PCDH15: variants seen among roughly 807,000 people sequenced by gnomAD.
The protein encoded by PCDH15 is protocadherin-15.
PCDH15 carries 129 observed loss-of-function variants against 178.5 expected under a neutral mutation model. The ratio of observed to expected loss-of-function variants is 0.72; its 90% confidence interval spans 0.63 to 0.84. PCDH15 has a LOEUF of 0.84. Among genes scored for constraint, PCDH15 ranks in the 40% least tolerant of loss-of-function variants. PCDH15 has a pLI of 0.00. For synonymous variants in PCDH15, 800 were observed against 732.0 expected (o/e 1.09, Z -1.50); for missense variants, 2,230 against 2,099.9 (o/e 1.06, Z -1.21).
At chr10:54,397,261 A>G (rs1195325339) in intron 3 of PCDH15, among the ~76,000 whole-genome samples, 1 of 152,034 alleles carries the variant, frequency 6.6e-6, no homozygotes, top group Non-Finnish European at 1.5e-5. Context: ...AAACTTGGAG[A>G]CATCCCTTTG....
At chr10:55,195,587 G>A (rs1317764791) in intron 1 of PCDH15, among the ~76,000 whole-genome samples, 3 of 150,572 alleles carry the variant, frequency 2.0e-5, no homozygotes, top group Non-Finnish European at 3.0e-5. Flanking sequence ...CCCGGAAGGC[G>A]GAGGATGTAG....
chr10:55,610,629 T>G (rs548688240), intron 2 of PCDH15, among the ~76,000 whole-genome samples: 1 of 152,248 alleles, frequency 6.6e-6, no homozygotes, highest in African/African-American at 2.4e-5. Flanking sequence ...TTCTGTTTTA[T>G]ATACTTAAGA....
intron 3 of PCDH15, among the ~76,000 whole-genome samples, chr10:54,381,924 G>T (rs1446171378): frequency 1.3e-5 from 2 of 151,968 alleles, no homozygotes; most frequent in Non-Finnish European, 2.9e-5. Context: ...GTGGATAACC[G>T]CATTTACCCT....
At chr10:54,481,193 T>C (rs1020941319) in intron 3 of PCDH15, among the ~76,000 whole-genome samples, 2 of 151,928 alleles carry the variant, frequency 1.3e-5, no homozygotes, top group Non-Finnish European at 2.9e-5. Context: ...GCCAAATTTA[T>C]ATTAGCCTAA....
intron 2 of PCDH15, among the ~76,000 whole-genome samples, chr10:55,547,069 G>A (rs997418): frequency 0.32 from 48,016 of 152,022 alleles, 8,270 homozygotes; most frequent in East Asian, 0.5. Flanking sequence ...CCCATTAGAG[G>A]AGTTTTGCTC....
chr10:54,688,286 A>AT (rs557307007), intron 1 of PCDH15, among the ~76,000 whole-genome samples: 10 of 151,148 alleles, frequency 6.6e-5, no homozygotes, highest in East Asian at 1.9e-4. Context: ...TGGGTAAGTC[A>AT]TTTTTTTTTC....
chr10:54,905,814 A>T (rs965158710), intron 2 of PCDH15, among the ~76,000 whole-genome samples: 1 of 152,124 alleles, frequency 6.6e-6, no homozygotes, highest in African/African-American at 2.4e-5. Context: ...CAGATGTGTC[A>T]TGAATACAAA....
intron 1 of PCDH15, among the ~76,000 whole-genome samples, chr10:55,259,069 C>G (rs1311888868): frequency 6.6e-6 from 1 of 152,142 alleles, no homozygotes; most frequent in African/African-American, 2.4e-5. Flanking sequence ...CTCTCCTCAT[C>G]TGAAGCACTG....
In PCDH15 at chr10:55,607,756, G is replaced by A. The variant is rs1453592382; in HGVS notation, c.-156+19869C>T. The stretch of plus-strand genomic sequence containing the variant: ...CACTCTGGGGACTGTTGTGGGGTGG[G>A]GGGAGGGGGGAGGGATAGCATTGGG... On this transcript the variant is annotated intron_variant, in intron 2 of 5. Transcript: ENST00000613346. Among the ~76,000 whole-genome samples the A allele has an allele frequency of 4.8e-4, 58 of 120,358 alleles. 3 individuals carry two copies. The East Asian group carries it at 0.016, about 33-fold the overall frequency. The allele number at this position is 120,358 out of a possible 152,430, so 79.0% of individuals were successfully genotyped here.
chr10:54,718,389 A>G (rs1303274505), intron 1 of PCDH15, among the ~76,000 whole-genome samples: 2 of 152,154 alleles, frequency 1.3e-5, no homozygotes, highest in East Asian at 1.9e-4. Flanking sequence ...GCCTGCTCAC[A>G]TGCACAGTGC....
At chr10:55,107,173 T>C (rs1391765487) in intron 2 of PCDH15, among the ~76,000 whole-genome samples, 2 of 152,216 alleles carry the variant, frequency 1.3e-5, no homozygotes, top group African/African-American at 4.8e-5. Context: ...ATTAGCAGTA[T>C]ACTTTCTATT....
At chr10:55,009,256 G>GTA (rs1363683879) in intron 2 of PCDH15, among the ~76,000 whole-genome samples, 1 of 151,682 alleles carries the variant, frequency 6.6e-6, no homozygotes, top group African/African-American at 2.4e-5. Context: ...ACAGATGTGT[G>GTA]TGTGTGTGTG....
intron 17 of PCDH15, among the ~76,000 whole-genome samples, chr10:54,069,047 G>T (rs2094191133): frequency 6.6e-6 from 1 of 152,120 alleles, no homozygotes; most frequent in Admixed American, 6.6e-5. Flanking sequence ...ATGACAAAAA[G>T]TATTTTAACA....
Position 55,066,525 on chromosome 10 carries a change from G to A in PCDH15, c.-80+100051C>T, listed in dbSNP as rs192484989. 3.4e-5 allele frequency among the ~76,000 whole-genome samples: 5 copies of A among 147,480 alleles called. No individual in the cohort carries two copies. The South Asian group carries it at 8.6e-4, about 25-fold the overall frequency. ...TTTTAAGTTTTCACAAATTACATGA[G>A]GCTTTTATTTTATTTTATTAATTTA... On this transcript the variant is annotated intron_variant, in intron 2 of 5. Coordinates refer to the PCDH15 transcript ENST00000458638.
chr10:54,868,896 G>A (rs942953370), intron 3 of PCDH15: 6 of 152,224 alleles, frequency 3.9e-5, no homozygotes, highest in Non-Finnish European at 7.4e-5. Flanking sequence ...ACATGCTAAT[G>A]TATGGTGAGT....
At chr10:54,779,376 TTATC>T (rs1333108337) in intron 1 of PCDH15, among the ~76,000 whole-genome samples, 2 of 137,346 alleles carry the variant, frequency 1.5e-5, no homozygotes, top group Non-Finnish European at 3.1e-5. Context: ...ATATATATAT[TTATC>T]TGTCTCTCTC....
At chr10:55,395,784 C>T (rs1335122221) in intron 2 of PCDH15, among the ~76,000 whole-genome samples, 1 of 151,928 alleles carries the variant, frequency 6.6e-6, no homozygotes, top group African/African-American at 2.4e-5. Context: ...AAGAAAACTA[C>T]CCTCTCTGGG....
intron 2 of PCDH15, among the ~76,000 whole-genome samples, chr10:54,554,174 C>G (rs971586756): frequency 2.6e-5 from 4 of 151,958 alleles, no homozygotes; most frequent in Non-Finnish European, 5.9e-5. Context: ...TACTCAATAC[C>G]CTTTTGCCTT....
chr10:55,077,165 G>T (rs1351628836), intron 2 of PCDH15, among the ~76,000 whole-genome samples: 6 of 150,710 alleles, frequency 4.0e-5, no homozygotes, highest in African/African-American at 1.5e-4. Context: ...CAGTCTATAT[G>T]TATCTTTACA....
Sources: gnomAD v4.1 joint callset for allele counts (sites outside exome capture counted in the v4.1 genomes callset) on GRCh38, gnomAD v4.1.1 for gene constraint, MANE v1.5 for transcripts, NCBI Gene and HGNC (gene_info 2026-07-23, HGNC 2026-07-21) for gene names.